ATP8A1: variants seen among roughly 807,000 people sequenced by gnomAD.
The protein encoded by ATP8A1 is phospholipid-transporting ATPase IA.
Under a neutral mutation model 177.7 loss-of-function variants are expected in ATP8A1, and 90 were observed. The ratio of observed to expected loss-of-function variants is 0.51; its 90% CI spans 0.43 to 0.60. ATP8A1 has a LOEUF of 0.60. Among genes scored for constraint, ATP8A1 ranks in the 20% least tolerant of loss-of-function variants. The pLI is 0.00. For missense variants in ATP8A1, 1,072 were observed against 1,392.8 expected (o/e 0.77, Z 3.67); for synonymous variants, 493 against 485.9 (o/e 1.01, Z -0.19).
At chr4:42,461,244 C>CTTTTTTTTTTTTTTTTTTTTT (rs777847439) in intron 27 of ATP8A1, among the ~76,000 whole-genome samples, 3 of 84,542 alleles carry the variant, frequency 3.5e-5, no homozygotes, top group East Asian at 2.7e-4. Context: ...TCAATTTTTT[C>CTTTTTTTTTTTTTTTTTTTTT]TTTCTTTTTT....
intron 22 of ATP8A1, among the ~76,000 whole-genome samples, chr4:42,514,961 A>G (rs994769866): frequency 2.6e-4 from 39 of 152,376 alleles, no homozygotes; most frequent in African/African-American, 8.4e-4. Flanking sequence ...TGACACAGTT[A>G]TATTTTTGTA....
rs976614234 is a variant in ATP8A1, at chr4:42,577,309, T to G, written c.1128+951A>C. Among the ~76,000 whole-genome samples, 4 of 152,284 alleles carry G rather than the reference T, an allele frequency of 2.6e-5. No individual in the cohort carries two copies. The East Asian group carries it at 5.8e-4, about 22-fold the overall frequency. On this transcript the variant is annotated intron_variant, in intron 12 of 36. Transcript: ENST00000381668. ...TATTACGTAATTTTTCAGCCATATA[T>G]CTCCTGCATGAAGTGAGCTACACCT...
chr4:42,578,579 T>C (rs1005058199), intron 11 of ATP8A1, among the ~76,000 whole-genome samples, 192 bp from the exon 12 acceptor site: 1 of 152,174 alleles, frequency 6.6e-6, no homozygotes, highest in African/African-American at 2.4e-5. Context: ...CAATATGTTG[T>C]TAATCCAGGT....
chr4:42,464,652 T>C (rs909772562), intron 27 of ATP8A1, 38 bp downstream of exon 27: 25 of 1,232,908 alleles, frequency 2.0e-5, no homozygotes, highest in Non-Finnish European at 2.9e-5. Flanking sequence ...TAAATATGTA[T>C]GCAAATGACA....
At chr4:42,455,026 G>T (rs903108572) in intron 29 of ATP8A1, among the ~76,000 whole-genome samples, 1 of 152,072 alleles carries the variant, frequency 6.6e-6, no homozygotes, top group Non-Finnish European at 1.5e-5. Context: ...ATTTTTATAC[G>T]TCAGGCCAGC....
chr4:42,417,494 T>C (rs4478220), intron 35 of ATP8A1, among the ~76,000 whole-genome samples: 20,704 of 152,166 alleles, frequency 0.14, 1,549 homozygotes, highest in Middle Eastern at 0.18. Flanking sequence ...TACTACTAAA[T>C]ATTGTTACCT....
At chr4:42,439,462 T>A (rs1560325039) in intron 33 of ATP8A1, among the ~76,000 whole-genome samples, 1 of 152,260 alleles carries the variant, frequency 6.6e-6, no homozygotes, top group African/African-American at 2.4e-5. Flanking sequence ...CTGTTTCTCA[T>A]TTGTTTGTCT....
chr4:42,543,766 G>A (rs909303535), intron 20 of ATP8A1, 151 bp downstream of exon 20: 8 of 519,458 alleles, frequency 1.5e-5, no homozygotes, highest in Non-Finnish European at 2.3e-5. Flanking sequence ...TTCACCAGAA[G>A]AGGCTGAACA....
rs1324273855 is a variant in ATP8A1 at position 42,411,096 on chromosome 4, T to C, written c.*1820A>G. On this transcript the variant is annotated 3_prime_UTR_variant, in exon 37 of 37. Coordinates refer to ENST00000381668, the MANE Select transcript of ATP8A1 (RefSeq NM_006095.2). ...TACACCTGTGGTCTTGCTAGATGTG[T>C]TGATTCATGACTCTCTCAATCTGTA... 1.3e-5 allele frequency: 2 copies of C among 152,174 alleles called. No individual in the cohort carries two copies. Among genetic ancestry groups the C allele is most frequent in the African/African-American group, 2.4e-5 (1 of 41,450 alleles). 9.4% of individuals were successfully genotyped at this position (152,174 alleles called of 1,614,324 possible).
intron 24 of ATP8A1, among the ~76,000 whole-genome samples, chr4:42,500,364 C>T (rs1238327973): frequency 7.6e-6 from 1 of 131,414 alleles, no homozygotes; most frequent in East Asian, 2.2e-4. Flanking sequence ...GACTCGGTCT[C>T]AAAAACAAAA....
chr4:42,511,764 C>T (rs969203217), intron 22 of ATP8A1, among the ~76,000 whole-genome samples: 2 of 152,030 alleles, frequency 1.3e-5, no homozygotes, highest in South Asian at 2.1e-4. Flanking sequence ...AATAATGGAA[C>T]CTCAAAGTGA....
At chr4:42,601,362 G>T in intron 5 of ATP8A1, among the ~76,000 whole-genome samples, 1 of 92,320 alleles carries the variant, frequency 1.1e-5, no homozygotes. Flanking sequence ...TCTATATTTG[G>T]TTTTCTGAAA....
At chr4:42,656,132 GCT>G (rs1296395318) in intron 1 of ATP8A1, among the ~76,000 whole-genome samples, 1 of 152,194 alleles carries the variant, frequency 6.6e-6, no homozygotes, top group Non-Finnish European at 1.5e-5. Flanking sequence ...AGCATCTGTT[GCT>G]CAGTGTTGAC....
chr4:42,450,382 G>A (rs576912414), intron 30 of ATP8A1, among the ~76,000 whole-genome samples: 2 of 152,276 alleles, frequency 1.3e-5, no homozygotes, highest in East Asian at 3.9e-4. Context: ...TGATATGAAT[G>A]TCGGGCATCA....
chr4:42,483,996 A>C (rs1400089974), intron 25 of ATP8A1, among the ~76,000 whole-genome samples: 1 of 152,204 alleles, frequency 6.6e-6, no homozygotes, highest in Non-Finnish European at 1.5e-5. Context: ...GTTGTTTCCA[A>C]CTAGGAGCCA....
In ATP8A1 at chr4:42,604,606, G is replaced by A. The variant is rs530604237; in HGVS notation, c.410-4088C>T. Among the ~76,000 whole-genome samples the A allele has an allele frequency of 1.3e-4, 20 of 152,304 alleles. No homozygotes were observed. The South Asian group carries it at 3.3e-3, about 25-fold the overall frequency. ...ATGACATTTAATAAATAGTTGTATA[G>A]GAAAATACTTTGGCAGTTTCTCAAA... On this transcript the variant is annotated intron_variant, in intron 5 of 36. Transcript: ENST00000381668.
At chr4:42,522,421 G>A (rs934397867) in intron 21 of ATP8A1, 122 bp from the exon 22 acceptor site, 7 of 1,124,774 alleles carry the variant, frequency 6.2e-6, no homozygotes, top group Non-Finnish European at 8.9e-6. Flanking sequence ...ACAATATGAT[G>A]AAGTCCAATT....
intron 25 of ATP8A1, among the ~76,000 whole-genome samples, chr4:42,480,744 G>C (rs1721588292): frequency 6.6e-6 from 1 of 152,136 alleles, no homozygotes; most frequent in African/African-American, 2.4e-5. Context: ...GTTTTGCCTG[G>C]AATGCCACTC....
intron 22 of ATP8A1, among the ~76,000 whole-genome samples, chr4:42,516,774 G>A (rs1164665261): frequency 6.6e-6 from 1 of 152,034 alleles, no homozygotes; most frequent in African/African-American, 2.4e-5. Flanking sequence ...ATGAATATGA[G>A]ACAAAACATA....
Sources: gnomAD v4.1 joint callset for allele counts (sites outside exome capture counted in the v4.1 genomes callset) on GRCh38, gnomAD v4.1.1 for gene constraint, MANE v1.5 for transcripts, NCBI Gene and HGNC (gene_info 2026-07-23, HGNC 2026-07-21) for gene names.